The following ABLIM1 variants were observed in gnomAD, a reference collection of about 807,000 sequenced individuals.
ABLIM1 encodes the protein actin binding LIM protein 1.
In ABLIM1, 40 loss-of-function variants were observed where a neutral mutation model predicts 107.0. The observed-to-expected ratio is 0.37, with a 90% CI of 0.29 to 0.49. ABLIM1 has a LOEUF of 0.49. Among genes scored for constraint, ABLIM1 ranks in the 20% least tolerant of loss-of-function variants. The pLI is 0.97. For synonymous variants in ABLIM1, 357 were observed against 357.3 expected (o/e 1.00, Z 0.01); for missense variants, 857 against 1,008.5 (o/e 0.85, Z 2.04).
chr10:114,442,631 G>A (rs570390283), intron 17 of ABLIM1, among the ~76,000 whole-genome samples: 2 of 152,220 alleles, frequency 1.3e-5, no homozygotes, highest in East Asian at 1.9e-4. Flanking sequence ...GGGCTCCGGG[G>A]TTATAATATG....
intron 2 of ABLIM1, 78 bp from the exon 3 acceptor site, chr10:114,575,677 G>A: frequency 1.4e-6 from 2 of 1,417,214 alleles, no homozygotes; most frequent in Non-Finnish European, 1.9e-6. Context: ...AATACTGACT[G>A]GTTGCTCACC....
intron 21 of ABLIM1, 40 bp from the exon 22 acceptor site, chr10:114,437,964 C>G: frequency 1.3e-6 from 2 of 1,565,634 alleles, no homozygotes; most frequent in South Asian, 2.2e-5. Flanking sequence ...ACACCACAGT[C>G]CATTTTATTA....
At chr10:114,661,778 A>C (rs767595549), upstream of ABLIM1, among the ~76,000 whole-genome samples, 1 of 152,148 alleles carries the variant, frequency 6.6e-6, no homozygotes, top group Non-Finnish European at 1.5e-5. Context: ...GTTCCACTGT[A>C]CCTACTCAAG....
intron 4 of ABLIM1, among the ~76,000 whole-genome samples, chr10:114,564,627 G>A (rs535685053): frequency 2.9e-4 from 44 of 152,070 alleles, no homozygotes; most frequent in East Asian, 2.3e-3. Context: ...TCCATGAAGC[G>A]TCTTACTTTG....
At chr10:114,684,543 C>T in exon 1 of ABLIM1, 3 of 1,395,576 alleles carry the variant, frequency 2.1e-6, no homozygotes, top group Non-Finnish European at 2.8e-6. Flanking sequence ...GAGGAGTTTC[C>T]TGAGTGACTC....
the ABLIM1 span, among the ~76,000 whole-genome samples, chr10:114,774,639 A>G: frequency 1.3e-5 from 2 of 152,216 alleles, no homozygotes; most frequent in Non-Finnish European, 2.9e-5. Context: ...AGTTGGACTG[A>G]AAAACAAGAG....
chr10:114,669,753 G>A (rs371265845), intron 1 of ABLIM1, among the ~76,000 whole-genome samples: 18 of 152,282 alleles, frequency 1.2e-4, no homozygotes, highest in Middle Eastern at 3.4e-3. Context: ...GAAGTGGGTG[G>A]TAGATATCTT....
chr10:114,764,636 C>A (rs2082839452), intron 1 of ABLIM1, among the ~76,000 whole-genome samples: 2 of 152,242 alleles, frequency 1.3e-5, no homozygotes, highest in South Asian at 4.1e-4. Context: ...GCCACCGCAC[C>A]CGGCCAATTG....
At chr10:114,652,058 T>G (rs536488874) in intron 1 of ABLIM1, among the ~76,000 whole-genome samples, 80 of 152,322 alleles carry the variant, frequency 5.3e-4, no homozygotes, top group African/African-American at 1.8e-3. Context: ...CAGGATGTAT[T>G]TTTTATGGCT....
In ABLIM1 at chr10:114,658,257, C is replaced by G; in HGVS notation, c.-57G>C. ...GGGAGTGGGGACCCAAGGAGCGGTG[C>G]TGCCCCACAATTCTCTCTGTTCCCC... On this transcript the variant is annotated 5_prime_UTR_variant, in exon 1 of 23. Coordinates refer to ENST00000533213, the MANE Select transcript of ABLIM1 (RefSeq NM_002313.7). The G allele has an allele frequency of 5.2e-6, 8 of 1,547,338 alleles. No individual in the cohort carries two copies. The highest frequency in any genetic ancestry group is 6.1e-6 in the Non-Finnish European group (7 of 1,145,078).
At chr10:114,606,425 G>A (rs550969279) in intron 1 of ABLIM1, among the ~76,000 whole-genome samples, 1 of 151,956 alleles carries the variant, frequency 6.6e-6, no homozygotes, top group East Asian at 1.9e-4. Context: ...TAGTAGAGAT[G>A]GAGTTTCCCC....
In ABLIM1 at chr10:114,716,710, A is replaced by G. The variant is rs535409558; in HGVS notation, c.-213+51351T>C. ...CTGAGGCAAAAGTGAGTCCTTTAAAACTCCAAGAACAAACAACACTCTACT... is the reference window on the plus strand; with the variant it reads ...CTGAGGCAAAAGTGAGTCCTTTAAAGCTCCAAGAACAAACAACACTCTACT... On this transcript the variant is annotated intron_variant, in intron 1 of 15. Transcript: ENST00000651092. Among the ~76,000 whole-genome samples, 3 of 152,148 alleles carry G rather than the reference A, an allele frequency of 2.0e-5. No individual in the cohort carries two copies. The East Asian group carries it at 5.8e-4, about 29-fold the overall frequency.
intron 1 of ABLIM1, among the ~76,000 whole-genome samples, chr10:114,710,822 C>T (rs2081532565): frequency 6.6e-6 from 1 of 152,192 alleles, no homozygotes; most frequent in Admixed American, 6.5e-5. Flanking sequence ...TCACAGAACA[C>T]ATATTTTGGC....
chr10:114,699,403 A>T (rs554522385), intron 1 of ABLIM1, among the ~76,000 whole-genome samples: 1 of 152,140 alleles, frequency 6.6e-6, no homozygotes, highest in Non-Finnish European at 1.5e-5. Flanking sequence ...ATTGGTTTTC[A>T]GCTCTAAAAA....
At chr10:114,781,771 C>T in the ABLIM1 span, among the ~76,000 whole-genome samples, 1 of 151,342 alleles carries the variant, frequency 6.6e-6, no homozygotes, top group Admixed American at 6.6e-5. Flanking sequence ...AGTTGCAGAA[C>T]TCTCTGATAT....
rs572635886 is a variant in ABLIM1 at position 114,683,028 on chromosome 10, A to G, written c.64+1262T>C. Among the ~76,000 whole-genome samples, 13 of 152,392 alleles carry G rather than the reference A, an allele frequency of 8.5e-5. 1 individual carries two copies. The East Asian group carries it at 2.5e-3, about 29-fold the overall frequency. On this transcript the variant is annotated intron_variant, in intron 1 of 23. Transcript: ENST00000369256. ...CTAGGACCCCATTCAGTTGGAAAAG[A>G]CATAGCATCATAGTTTTCCACTCTA... is the stretch of plus-strand genomic sequence containing the variant.
intron 1 of ABLIM1, among the ~76,000 whole-genome samples, chr10:114,682,674 G>T (rs963064554): frequency 1.3e-5 from 2 of 152,048 alleles, no homozygotes; most frequent in Non-Finnish European, 2.9e-5. Context: ...CTAGAGATAC[G>T]GTTTCTGTAG....
chr10:114,564,409 C>G (rs955731089), intron 4 of ABLIM1, among the ~76,000 whole-genome samples: 2 of 151,602 alleles, frequency 1.3e-5, no homozygotes, highest in African/African-American at 4.9e-5. Flanking sequence ...GGACTACCGG[C>G]GCGTGCAAGA....
At chr10:114,689,746 C>CA, upstream of ABLIM1, among the ~76,000 whole-genome samples, 1 of 150,492 alleles carries the variant, frequency 6.6e-6, no homozygotes, top group South Asian at 2.1e-4. Context: ...CAGTATCTTT[C>CA]AAAAAAAGAT....
Sources: allele counts gnomAD v4.1 joint callset (sites outside exome capture counted in the v4.1 genomes callset), GRCh38; gene constraint gnomAD v4.1.1; transcripts MANE v1.5; gene names NCBI Gene and HGNC (gene_info 2026-07-23, HGNC 2026-07-21).